CRYBG1: variants seen among roughly 807,000 people sequenced by gnomAD.
CRYBG1 encodes beta/gamma crystallin domain-containing protein 1.
CRYBG1 carries 139 observed loss-of-function variants against 189.2 expected under a neutral mutation model. The ratio of observed to expected loss-of-function variants is 0.73; its 90% confidence interval spans 0.64 to 0.85. The LOEUF (loss-of-function observed/expected upper bound fraction) is 0.85. Ranked by LOEUF, CRYBG1 falls within the 40% of genes least tolerant of loss-of-function variation. The pLI, the probability that CRYBG1 is intolerant of heterozygous loss-of-function variation, is 0.00. For missense variants in CRYBG1, 2,611 were observed against 2,675.8 expected, an observed-to-expected ratio of 0.98 and a Z score of 0.53; for synonymous variants, 1,023 against 1,017.1, an observed-to-expected ratio of 1.01 and a Z score of -0.11.
At position 106,520,486 on chromosome 6, in the gene CRYBG1, G is replaced by C. The variant is rs1169721712; in HGVS notation, c.3278G>C (p.Gly1093Ala). ...SPASLLNISA[G>A]SDDSVFDSSS... ...GCCAGCCTTTTGAACATTTCTGCTG[G>C]TAGTGATGATAGTGTATTTGATTCT... Residue 1093 changes from glycine (G) to alanine (A), a missense_variant, in exon 4 of 22, where the codon GGT becomes GCT. Physicochemically the swap from Gly to Ala is moderately conservative, Grantham distance 60. Coordinates refer to ENST00000633556, the MANE Select transcript of CRYBG1 (RefSeq NM_001371242.2). 6.2e-7 allele frequency: 1 copy of C among 1,614,156 alleles called. No homozygotes were observed. The highest frequency in any genetic ancestry group is 1.7e-5 in the Admixed American group (1 of 60,022).
At position 106,558,578 on chromosome 6, in the gene CRYBG1, C is replaced by T; in HGVS notation, c.5808C>T (p.Ser1936=). The T allele has an allele frequency of 2.5e-6, 4 of 1,613,538 alleles. No individual in the cohort carries two copies. Among genetic ancestry groups the T allele is most frequent in the Non-Finnish European group, 3.4e-6 (4 of 1,179,692 alleles). ...ATGCAGAAACTGTCAATCTCCGATC[C>T]CTGGGATTCAACACACAAATACGCT... The part of the protein sequence containing the change: ...ELNAETVNLR[S]LGFNTQIRSV... Residue 1936 remains serine, a synonymous_variant, in exon 18 of 22, where the codon TCC becomes TCT. Coordinates refer to ENST00000633556, the MANE Select transcript of CRYBG1 (RefSeq NM_001371242.2).
At chr6:106,442,755 G>A (rs1029497839) in intron 1 of CRYBG1, among the ~76,000 whole-genome samples, 29 of 152,256 alleles carry the variant, frequency 1.9e-4, no homozygotes, top group African/African-American at 6.7e-4. Flanking sequence ...CAGAAACAAA[G>A]GGACTCATAC....
chr6:106,463,848 G>A (rs1266350810), intron 2 of CRYBG1, among the ~76,000 whole-genome samples: 1 of 152,174 alleles, frequency 6.6e-6, no homozygotes, highest in Non-Finnish European at 1.5e-5. Flanking sequence ...AGAAGCTTTA[G>A]TCAAATACCA....
chr6:106,440,268 C>CT lies in CRYBG1; in HGVS notation c.174-11417dup, dbSNP rs1554235828. Among the ~76,000 whole-genome samples the CT allele has an allele frequency of 3.8e-3, 250 of 65,054 alleles. 1 individual carries two copies. Among genetic ancestry groups the CT allele is most frequent in the South Asian group, 0.018 (33 of 1,880 alleles). 42.7% of individuals were successfully genotyped at this position (65,054 alleles called of 152,430 possible). On this transcript the variant is annotated intron_variant, in intron 1 of 21. Transcript: ENST00000633556. ...CCTCTCTCTCTCTCTCTCTCTCTCTCTTTTTTTTTCTTTTGAGACAGAGTC... is the reference window on the plus strand; with the variant it reads ...CCTCTCTCTCTCTCTCTCTCTCTCTCTTTTTTTTTTCTTTTGAGACAGAGTC...
intron 2 of CRYBG1, among the ~76,000 whole-genome samples, chr6:106,504,653 G>A (rs1171844027): frequency 1.4e-4 from 3 of 21,248 alleles, no homozygotes; most frequent in Non-Finnish European, 3.4e-4. Flanking sequence ...GTGTGTGTTT[G>A]TGTGTGTGTA....
chr6:106,420,191 C>T (rs894118410), intron 1 of CRYBG1, among the ~76,000 whole-genome samples: 7 of 152,118 alleles, frequency 4.6e-5, no homozygotes, highest in Non-Finnish European at 8.8e-5. Flanking sequence ...AAGACACACC[C>T]AGGAAAAAAT....
At chr6:106,420,374 A>G (rs1167124714) in intron 1 of CRYBG1, among the ~76,000 whole-genome samples, 6 of 152,246 alleles carry the variant, frequency 3.9e-5, no homozygotes, top group Admixed American at 1.3e-4. Context: ...TTTACATGTA[A>G]AAAGAGGAAT....
chr6:106,552,027 T>A, intron 14 of CRYBG1, 49 bp downstream of exon 14: 1 of 1,531,446 alleles, frequency 6.5e-7, no homozygotes, highest in Non-Finnish European at 8.9e-7. Flanking sequence ...ATTCTGGATT[T>A]CCTTAATGTG....
rs573041022 is a variant in CRYBG1, at chr6:106,540,796, T to A, written c.4846-790T>A. On this transcript the variant is annotated intron_variant, in intron 9 of 21. Coordinates refer to ENST00000633556, the MANE Select transcript of CRYBG1 (RefSeq NM_001371242.2). ...GAGCATCCTTGGTGGTACTTTTTTT[T>A]AAAAAGCTATTAAAGATATATTAAT... 1.7e-3 allele frequency among the ~76,000 whole-genome samples: 254 copies of A among 152,216 alleles called. 1 individual carries two copies. The highest frequency in any genetic ancestry group is 5.5e-3 in the African/African-American group (229 of 41,550).
At chr6:106,401,438 G>T (rs1770718227) in intron 1 of CRYBG1, among the ~76,000 whole-genome samples, 1 of 138,088 alleles carries the variant, frequency 7.2e-6, no homozygotes, top group Non-Finnish European at 1.5e-5. Context: ...TAAGTTTTAG[G>T]GTACATGTGC....
chr6:106,388,730 T>A (rs904031053), intron 1 of CRYBG1, among the ~76,000 whole-genome samples: 1 of 152,210 alleles, frequency 6.6e-6, no homozygotes, highest in Non-Finnish European at 1.5e-5. Flanking sequence ...ATTTCTCAAG[T>A]TGTTTCTTTT....
intron 9 of CRYBG1, 73 bp from the exon 10 acceptor site, chr6:106,541,511 TAA>T: frequency 7.3e-7 from 1 of 1,379,150 alleles, no homozygotes; most frequent in Non-Finnish European, 1.0e-6. Flanking sequence ...TGTTTTACTG[TAA>T]ACTGCTATGG....
chr6:106,457,120 G>T (rs1183763371), intron 2 of CRYBG1: 1 of 152,078 alleles, frequency 6.6e-6, no homozygotes, highest in East Asian at 1.9e-4. Flanking sequence ...TCTAAAATGG[G>T]TTAATTTATA....
intron 1 of CRYBG1, among the ~76,000 whole-genome samples, chr6:106,424,446 T>C (rs1771189585): frequency 1.3e-5 from 2 of 152,164 alleles, no homozygotes; most frequent in South Asian, 4.1e-4. Flanking sequence ...AGGAGGCTAC[T>C]GTGAGAACTG....
At chr6:106,502,809 C>A (rs1773036574) in intron 2 of CRYBG1, among the ~76,000 whole-genome samples, 1 of 146,454 alleles carries the variant, frequency 6.8e-6, no homozygotes, top group African/African-American at 2.4e-5. Context: ...TTTAAGGAAG[C>A]CAAGAAGGGC....
intron 4 of CRYBG1, among the ~76,000 whole-genome samples, chr6:106,522,550 T>C (rs1317321439): frequency 6.6e-5 from 10 of 152,164 alleles, no homozygotes; most frequent in African/African-American, 2.2e-4. Flanking sequence ...CCAAGCTTAT[T>C]TAAGGTGAGA....
At chr6:106,473,857 G>A (rs918562578) in intron 2 of CRYBG1, among the ~76,000 whole-genome samples, 2 of 152,144 alleles carry the variant, frequency 1.3e-5, no homozygotes, top group African/African-American at 4.8e-5. Flanking sequence ...GTTGTCATCT[G>A]AGCTAACCAT....
At chr6:106,496,608 C>T (rs2114501919) in intron 2 of CRYBG1, among the ~76,000 whole-genome samples, 1 of 152,222 alleles carries the variant, frequency 6.6e-6, no homozygotes, top group South Asian at 2.1e-4. Context: ...GGTCAACCAT[C>T]TTATTAGAGA....
At chr6:106,389,721 T>C (rs1233719397) in intron 1 of CRYBG1, among the ~76,000 whole-genome samples, 2 of 152,118 alleles carry the variant, frequency 1.3e-5, no homozygotes, top group Non-Finnish European at 2.9e-5. Context: ...GGAGAGATAG[T>C]TGAGTCTTTT....
Sources: gnomAD v4.1 joint callset for allele counts (sites outside exome capture counted in the v4.1 genomes callset) on GRCh38, gnomAD v4.1.1 for gene constraint, MANE v1.5 for transcripts, NCBI Gene and HGNC (gene_info 2026-07-23, HGNC 2026-07-21) for gene names.